Variants in PPFIA2 observed in about 807,000 individuals in gnomAD.
PPFIA2 encodes PPFI scaffold protein A2.
In PPFIA2, 46 loss-of-function variants were observed where a neutral mutation model predicts 175.5. That is an observed-to-expected ratio of 0.26 (90% CI 0.21 to 0.34). The LOEUF (loss-of-function observed/expected upper bound fraction) is 0.34, where lower values mean the gene tolerates loss of function less well. Ranked by LOEUF, PPFIA2 falls within the 10% of genes least tolerant of loss-of-function variation. PPFIA2 has a pLI of 1.00. For synonymous variants in PPFIA2, 568 were observed against 511.4 expected, an observed-to-expected ratio of 1.11 and a Z score of -1.49; for missense variants, 1,179 against 1,506.1, an observed-to-expected ratio of 0.78 and a Z score of 3.60.
At chr12:81,551,751 T>C (rs976586433) in intron 4 of PPFIA2, among the ~76,000 whole-genome samples, 1 of 151,964 alleles carries the variant, frequency 6.6e-6, no homozygotes, top group East Asian at 1.9e-4. Flanking sequence ...ATTTTTGTAT[T>C]GTATATATAA....
chr12:81,450,678 C>T lies in PPFIA2; in HGVS notation c.406-4958G>A, dbSNP rs563774828. Among the ~76,000 whole-genome samples the T allele has an allele frequency of 2.0e-5, 3 of 152,164 alleles. No homozygotes were observed. In the South Asian group the frequency reaches 6.2e-4, roughly 32 times the overall value. On this transcript the variant is annotated intron_variant, in intron 5 of 32. Transcript: ENST00000549396. ...ATTTGTCAATTTTGGCTTTTGTTGC[C>T]ATTGCTTTTGGTGTTTTAGACATGA...
chr12:81,477,067 G>C (rs1333354705), intron 4 of PPFIA2, among the ~76,000 whole-genome samples: 1 of 152,024 alleles, frequency 6.6e-6, no homozygotes, highest in East Asian at 1.9e-4. Context: ...GTGGTAGCGG[G>C]GGAAGGGAGA....
intron 4 of PPFIA2, among the ~76,000 whole-genome samples, chr12:81,580,887 A>G (rs755980616): frequency 9.2e-5 from 14 of 151,988 alleles, no homozygotes; most frequent in Non-Finnish European, 1.5e-4. Context: ...TCCTTAAGGA[A>G]CTCACAGAAT....
At chr12:81,497,492 A>C (rs1474886243) in intron 4 of PPFIA2, among the ~76,000 whole-genome samples, 1 of 140,690 alleles carries the variant, frequency 7.1e-6, no homozygotes, top group Non-Finnish European at 1.5e-5. Flanking sequence ...TGCCTTCCCC[A>C]TGTTAGTCTT....
At chr12:81,516,942 A>C (rs2147948273) in intron 4 of PPFIA2, among the ~76,000 whole-genome samples, 1 of 152,320 alleles carries the variant, frequency 6.6e-6, no homozygotes, top group South Asian at 2.1e-4. Context: ...TACCCCAGGA[A>C]ACTAGGCAAT....
intron 3 of PPFIA2, among the ~76,000 whole-genome samples, chr12:81,719,612 A>G (rs1277636467): frequency 6.6e-6 from 1 of 151,598 alleles, no homozygotes; most frequent in African/African-American, 2.4e-5. Context: ...GAGGAATTAA[A>G]AAGTTTTAAC....
chr12:81,281,667 T>A (rs1012188203), intron 26 of PPFIA2, among the ~76,000 whole-genome samples: 3 of 152,138 alleles, frequency 2.0e-5, no homozygotes, highest in Admixed American at 2.0e-4. Context: ...GGCTATTTAC[T>A]TTGTATTCTC....
At chr12:81,481,062 T>C (rs1456950600) in intron 4 of PPFIA2, among the ~76,000 whole-genome samples, 2 of 152,096 alleles carry the variant, frequency 1.3e-5, no homozygotes, top group African/African-American at 2.4e-5. Flanking sequence ...ACAAAACCAA[T>C]GTGTAAAAAT....
chr12:81,625,395 G>A (rs1356418374), intron 4 of PPFIA2, among the ~76,000 whole-genome samples: 1 of 151,860 alleles, frequency 6.6e-6, no homozygotes, highest in South Asian at 2.1e-4. Context: ...CTTGGAAAGA[G>A]TTGTGAAGGA....
intron 7 of PPFIA2, among the ~76,000 whole-genome samples, chr12:81,423,782 T>C (rs920093576): frequency 3.3e-5 from 5 of 152,000 alleles, no homozygotes; most frequent in Non-Finnish European, 7.4e-5. Flanking sequence ...AAGCAAACAA[T>C]TGGAAAGGAA....
intron 4 of PPFIA2, among the ~76,000 whole-genome samples, chr12:81,650,302 C>A (rs2066843365): frequency 6.6e-6 from 1 of 151,972 alleles, no homozygotes; most frequent in Non-Finnish European, 1.5e-5. Flanking sequence ...AGCCACCGAG[C>A]CCAGCAAAAT....
intron 22 of PPFIA2, among the ~76,000 whole-genome samples, chr12:81,318,376 A>G (rs1031743135): frequency 2.6e-5 from 4 of 151,722 alleles, no homozygotes; most frequent in East Asian, 3.9e-4. Flanking sequence ...GGCATTGCTC[A>G]TTTGCCTACC....
chr12:81,696,000 A>AT (rs1405715261), intron 3 of PPFIA2, among the ~76,000 whole-genome samples: 3 of 152,168 alleles, frequency 2.0e-5, no homozygotes, highest in African/African-American at 4.8e-5. Flanking sequence ...ACATATTGTG[A>AT]TTTTTGTGTG....
chr12:81,326,629 A>C (rs1463050590), intron 21 of PPFIA2, among the ~76,000 whole-genome samples: 2 of 152,144 alleles, frequency 1.3e-5, no homozygotes, highest in Non-Finnish European at 2.9e-5. Context: ...TAATAAAAGG[A>C]AGAAGAAAGA....
intron 30 of PPFIA2, among the ~76,000 whole-genome samples, chr12:81,264,979 C>T (rs377085335): frequency 2.7e-5 from 4 of 150,530 alleles, no homozygotes; most frequent in African/African-American, 4.9e-5. Flanking sequence ...CTTACAGTGT[C>T]GTAGCTAGGG....
intron 9 of PPFIA2, among the ~76,000 whole-genome samples, chr12:81,380,525 T>A (rs1733999051): frequency 7.2e-6 from 1 of 138,422 alleles, no homozygotes; most frequent in Admixed American, 7.3e-5. Context: ...TTTTCACATC[T>A]TCCTGCTTAT....
chr12:81,604,734 C>T (rs2060121594), intron 4 of PPFIA2, among the ~76,000 whole-genome samples: 1 of 151,522 alleles, frequency 6.6e-6, no homozygotes, highest in Non-Finnish European at 1.5e-5. Context: ...ACAGACAGAC[C>T]ACTACCAAAA....
intron 31 of PPFIA2, among the ~76,000 whole-genome samples, chr12:81,262,876 A>C (rs1325112228): frequency 1.3e-5 from 2 of 152,210 alleles, no homozygotes; most frequent in Non-Finnish European, 2.9e-5. Context: ...ATTTCCATTT[A>C]CTATGGATCT....
chr12:81,521,652 A>AC (rs1491266691), intron 4 of PPFIA2, among the ~76,000 whole-genome samples: 1 of 55,808 alleles, frequency 1.8e-5, no homozygotes, highest in African/African-American at 8.2e-5. Context: ...AATAAAATAC[A>AC]AAAAAAAAAA....
Sources: allele counts gnomAD v4.1 joint callset (sites outside exome capture counted in the v4.1 genomes callset), GRCh38; gene constraint gnomAD v4.1.1; transcripts MANE v1.5; gene names NCBI Gene and HGNC (gene_info 2026-07-23, HGNC 2026-07-21).